The following OPCML variants were observed in gnomAD, a reference collection of about 807,000 sequenced individuals.
The protein encoded by OPCML is opioid binding protein/cell adhesion molecule like.
In OPCML, 13 loss-of-function variants were observed where a neutral mutation model predicts 37.8. That is an observed-to-expected ratio of 0.34 (90% CI 0.22 to 0.55). OPCML has a LOEUF of 0.55. Ranked by LOEUF, OPCML falls within the 20% of genes least tolerant of loss-of-function variation. OPCML has a pLI of 0.91. For synonymous variants in OPCML, 176 were observed against 168.8 expected, an observed-to-expected ratio of 1.04 and a Z score of -0.33; for missense variants, 341 against 435.6, an observed-to-expected ratio of 0.78 and a Z score of 1.93.
At chr11:132,955,679 C>T (rs534085141) in intron 1 of OPCML, among the ~76,000 whole-genome samples, 3 of 152,110 alleles carry the variant, frequency 2.0e-5, no homozygotes, top group South Asian at 2.1e-4. Flanking sequence ...GTCAGGAGTT[C>T]GAGACCATCC....
chr11:133,243,669 T>C (rs1940812874), intron 1 of OPCML, among the ~76,000 whole-genome samples: 1 of 152,238 alleles, frequency 6.6e-6, no homozygotes, highest in Admixed American at 6.5e-5. Flanking sequence ...TTACTTTCTT[T>C]AGGGCACTGG....
At chr11:132,810,948 G>T (rs1332198594) in intron 2 of OPCML, among the ~76,000 whole-genome samples, 1 of 152,088 alleles carries the variant, frequency 6.6e-6, no homozygotes, top group Non-Finnish European at 1.5e-5. Flanking sequence ...GGGTGGGTGG[G>T]GATAACACAT....
At chr11:132,573,900 C>A (rs534177246) in intron 3 of OPCML, among the ~76,000 whole-genome samples, 1 of 151,928 alleles carries the variant, frequency 6.6e-6, no homozygotes, top group African/African-American at 2.4e-5. Flanking sequence ...CTGGTTCAAT[C>A]TTCATACTAG....
At chr11:132,994,632 G>A (rs986399147) in intron 1 of OPCML, among the ~76,000 whole-genome samples, 2 of 152,108 alleles carry the variant, frequency 1.3e-5, no homozygotes, top group African/African-American at 2.4e-5. Context: ...CCCACCCACC[G>A]GTACCTGACT....
intron 3 of OPCML, among the ~76,000 whole-genome samples, chr11:132,621,193 G>T (rs773081553): frequency 6.6e-6 from 1 of 152,166 alleles, no homozygotes; most frequent in Non-Finnish European, 1.5e-5. Flanking sequence ...TAAGTGAAAC[G>T]TTCAAATATT....
intron 4 of OPCML, among the ~76,000 whole-genome samples, chr11:132,446,118 T>C (rs915118132): frequency 1.4e-5 from 2 of 144,460 alleles, no homozygotes; most frequent in Admixed American, 1.4e-4. Flanking sequence ...TTTTTTTTTT[T>C]TTTTTTTTTT....
chr11:133,510,839 T>C (rs573902305), intron 1 of OPCML, among the ~76,000 whole-genome samples: 1 of 152,136 alleles, frequency 6.6e-6, no homozygotes, highest in African/African-American at 2.4e-5. Context: ...CTTCTGGTGA[T>C]CACATGCAGC....
chr11:133,458,881 ACAC>A (rs886415808), intron 1 of OPCML, among the ~76,000 whole-genome samples: 2 of 131,118 alleles, frequency 1.5e-5, no homozygotes, highest in African/African-American at 4.4e-5. Flanking sequence ...ACACATACAC[ACAC>A]ATGTGTGTGT....
At chr11:133,285,200 G>A (rs545276270) in intron 1 of OPCML, among the ~76,000 whole-genome samples, 31 of 152,138 alleles carry the variant, frequency 2.0e-4, no homozygotes, top group Non-Finnish European at 3.1e-4. Flanking sequence ...TTTAGAAGAC[G>A]TCAGTGGCTG....
chr11:132,772,979 C>T (rs1160202870), intron 2 of OPCML: 2 of 152,184 alleles, frequency 1.3e-5, no homozygotes, highest in Non-Finnish European at 2.9e-5. Context: ...TGTTGTCTTC[C>T]TCTGGTACGA....
At chr11:132,828,121 T>C (rs1940470161) in intron 2 of OPCML, among the ~76,000 whole-genome samples, 2 of 152,152 alleles carry the variant, frequency 1.3e-5, no homozygotes, top group Admixed American at 1.3e-4. Flanking sequence ...TGCATGTCGC[T>C]AAGTGGAAAA....
At chr11:132,825,763 G>T (rs528011439) in intron 2 of OPCML, among the ~76,000 whole-genome samples, 1 of 152,280 alleles carries the variant, frequency 6.6e-6, no homozygotes, top group African/African-American at 2.4e-5. Context: ...TTGGTAGAAT[G>T]TCTGTTAGTT....
At chr11:132,973,765 C>T (rs1021748965) in intron 1 of OPCML, among the ~76,000 whole-genome samples, 1 of 152,196 alleles carries the variant, frequency 6.6e-6, no homozygotes, top group Non-Finnish European at 1.5e-5. Context: ...TTTTCCAAAC[C>T]TTCTCCAATC....
At chr11:132,630,055 G>A (rs1186962893) in intron 3 of OPCML, among the ~76,000 whole-genome samples, 1 of 152,148 alleles carries the variant, frequency 6.6e-6, no homozygotes, top group African/African-American at 2.4e-5. Context: ...GTTAACAAGG[G>A]CACTGTTAAC....
At chr11:132,576,300 G>GT (rs982755028) in intron 3 of OPCML, among the ~76,000 whole-genome samples, 25 of 150,816 alleles carry the variant, frequency 1.7e-4, no homozygotes, top group African/African-American at 5.3e-4. Context: ...AGTCCTTTAA[G>GT]TTTTTTTTAA....
chr11:133,451,803 T>G (rs1946585477), intron 1 of OPCML, among the ~76,000 whole-genome samples: 1 of 151,088 alleles, frequency 6.6e-6, no homozygotes, highest in Non-Finnish European at 1.5e-5. Context: ...GACCACACCA[T>G]TGCAGCCCAG....
At chr11:133,149,606 CA>C (rs1949948456) in intron 1 of OPCML, among the ~76,000 whole-genome samples, 1 of 152,204 alleles carries the variant, frequency 6.6e-6, no homozygotes, top group African/African-American at 2.4e-5. Context: ...TTGCCAGAGA[CA>C]GAAGAAATAT....
intron 1 of OPCML, among the ~76,000 whole-genome samples, chr11:133,501,402 A>G (rs1947913094): frequency 1.3e-5 from 2 of 152,178 alleles, no homozygotes; most frequent in South Asian, 4.1e-4. Flanking sequence ...AAAACCAATT[A>G]ATTACATGTC....
At chr11:133,440,797 T>C (rs1946350066) in intron 1 of OPCML, among the ~76,000 whole-genome samples, 1 of 122,796 alleles carries the variant, frequency 8.1e-6, no homozygotes, top group African/African-American at 5.0e-5. Context: ...TGTGTGTGTG[T>C]GTGTGAGTGT....
Sources: gnomAD v4.1 joint callset for allele counts (sites outside exome capture counted in the v4.1 genomes callset) on GRCh38, gnomAD v4.1.1 for gene constraint, MANE v1.5 for transcripts, NCBI Gene and HGNC (gene_info 2026-07-23, HGNC 2026-07-21) for gene names.